Variants in EHMT2 observed in about 807,000 individuals in gnomAD.
The protein encoded by EHMT2 is euchromatic histone lysine methyltransferase 2, also known as histone-lysine N-methyltransferase EHMT2.
A neutral mutation model predicts 143.3 loss-of-function variants in EHMT2; 59 were observed. The observed-to-expected ratio is 0.41, with a 90% confidence interval of 0.33 to 0.51. The LOEUF is 0.51. Ranked by LOEUF, EHMT2 falls within the 20% of genes least tolerant of loss-of-function variation. The pLI is 0.18. For synonymous variants in EHMT2, 604 were observed against 651.5 expected (o/e 0.93, Z 1.11); for missense variants, 1,174 against 1,645.9 (o/e 0.71, Z 4.96).
rs1765886996 is a variant in EHMT2 at position 31,892,859 on chromosome 6, C to T, written c.634G>A (p.Asp212Asn). 4 of 1,602,032 alleles carry T rather than the reference C, an allele frequency of 2.5e-6. No homozygotes were observed. In the Admixed American group the frequency reaches 5.1e-5, roughly 20 times the overall value. ...ACCTTTCCCAGTGAGTGGACATCAT[C>T]ACTCATGCGGAAATGCTGTATTTCA... The change falls in exon 5 of 28, where the codon GAT becomes AAT. Residue 212 changes from aspartate (D) to asparagine (N), a missense_variant. By Grantham distance (23) the Asp-to-Asn change is conservative. Around this residue, in one of 6 missense-constraint regions of EHMT2, gnomAD observed 399 missense variants for 404.4 expected, o/e 0.99. Transcript: ENST00000375537.
rs1764483332 is a variant in EHMT2, at chr6:31,884,116, G to A, written c.2772-166C>T. ...TTAACATAGAATTTTAGATAAACAA[G>A]AAATAGCTTTTTAGTATGTCCCAAA... On this transcript the variant is annotated intron_variant, in intron 21 of 27. Coordinates refer to ENST00000375537, the Ensembl canonical transcript of EHMT2. This position sits in a 1 kb window ranked among gnomAD's most constrained non-coding sequence, Gnocchi z 7.3. The A allele has an allele frequency of 4.8e-6, 4 of 825,538 alleles. No homozygotes were observed. The highest frequency in any genetic ancestry group is 1.9e-5 in the South Asian group (1 of 52,218). The allele number at this position is 825,538 out of a possible 1,614,324, so 51.1% of individuals were successfully genotyped here.
chr6:31,885,583 G>C (rs980469025), intron 18 of EHMT2: 3 of 152,820 alleles, frequency 2.0e-5, no homozygotes, highest in African/African-American at 7.2e-5. Context: ...GCTGGTCATG[G>C]AGGTGCATGC....
rs1415773028 is a variant in EHMT2, at chr6:31,885,108, C to A, written c.2344-92G>T. 9.0e-6 allele frequency: 13 copies of A among 1,447,338 alleles called. No individual in the cohort carries two copies. The East Asian group carries it at 1.2e-4, about 14-fold the overall frequency. The allele number at this position is 1,447,338 out of a possible 1,614,324, so 89.7% of individuals were successfully genotyped here. A position where few individuals can be genotyped will look rare whatever the true frequency, so the allele number is the denominator to read the frequency against. ...GATTGGCTGTGTGTGTGAATCCCAG[C>A]TCCACCATTCACAAGCTGTGGGACC... On this transcript the variant is annotated intron_variant, in intron 18 of 27. Coordinates refer to ENST00000375537, the Ensembl canonical transcript of EHMT2.
chr6:31,891,133 C>CG (rs1765629735), intron 7 of EHMT2, among the ~76,000 whole-genome samples: 1 of 151,860 alleles, frequency 6.6e-6, no homozygotes, highest in South Asian at 2.1e-4. Context: ...TCAGTAGAGA[C>CG]GGGGTTTCTC....
At chr6:31,893,437 C>T in intron 4 of EHMT2, 1 of 415,000 alleles carries the variant, frequency 2.4e-6, no homozygotes, top group South Asian at 1.7e-5. Context: ...CCTGCCTCAG[C>T]TTCCTGGGAA....
At chr6:31,896,626 C>T (rs773882389) in exon 3 of EHMT2, 2 of 1,585,186 alleles carry the variant, frequency 1.3e-6, no homozygotes, top group South Asian at 1.2e-5. Flanking sequence ...CCGGCCCCCA[C>T]GGAGGTCCCC....
At chr6:31,896,642 C>T (rs1766499510) in exon 3 of EHMT2, 1 of 1,590,612 alleles carries the variant, frequency 6.3e-7, no homozygotes, top group Non-Finnish European at 8.6e-7. Context: ...TCCCCATCTC[C>T]CTCAAGATTC....
Position 31,880,664 on chromosome 6 carries a change from G to T in EHMT2, c.3452+9C>A, listed in dbSNP as rs960042726. 6 of 1,613,158 alleles carry T rather than the reference G, an allele frequency of 3.7e-6. No individual in the cohort carries two copies. The highest frequency in any genetic ancestry group is 5.1e-6 in the Non-Finnish European group (6 of 1,179,882). On this transcript the variant is annotated intron_variant, in intron 27 of 27. Transcript: ENST00000375537. This position sits in a 1 kb window ranked among gnomAD's most constrained non-coding sequence, Gnocchi z 6.6. ...CTGGCAGAGCCCCTAGAGACCCCTA[G>T]AGTCTCACCCTAGCTCCTCCCCAGT... is the stretch of plus-strand genomic sequence containing the variant.
chr6:31,882,808 T>G (rs755397656), intron 24 of EHMT2, 23 bp from the exon 25 acceptor site: 2 of 1,612,056 alleles, frequency 1.2e-6, no homozygotes, highest in Non-Finnish European at 1.7e-6. Flanking sequence ...GAGATGGCGC[T>G]GTTGGGTGGA....
intron 7 of EHMT2, among the ~76,000 whole-genome samples, chr6:31,890,201 A>G (rs1331040217): frequency 2.0e-5 from 3 of 152,178 alleles, no homozygotes; most frequent in African/African-American, 7.2e-5. Context: ...CCTAAATGTG[A>G]AAAATTCTGT....
Position 31,881,862 on chromosome 6 carries a change from G to A in EHMT2, c.3198-770C>T, listed in dbSNP as rs558091880. Among the ~76,000 whole-genome samples the A allele has an allele frequency of 6.6e-6, 1 of 152,206 alleles. No homozygotes were observed. Among genetic ancestry groups the A allele is most frequent in the Non-Finnish European group, 1.5e-5 (1 of 68,030 alleles). On this transcript the variant is annotated intron_variant, in intron 25 of 27. Coordinates refer to ENST00000375537, the Ensembl canonical transcript of EHMT2. The surrounding 1 kb of genome is among the most constrained non-coding windows in gnomAD (Gnocchi z 4.8). ...CTCACGCCTGTAATCCCAGCACTTT[G>A]GGAGGCCGAGGTGGGCGGATCATCT...
rs1223570842 is a variant in EHMT2 at position 31,883,174 on chromosome 6, T to C, written c.2995-165A>G. 4 of 865,064 alleles carry C rather than the reference T, an allele frequency of 4.6e-6. No homozygotes were observed. Among genetic ancestry groups the C allele is most frequent in the Admixed American group, 2.2e-5 (1 of 46,298 alleles). The allele number at this position is 865,064 out of a possible 1,614,324, so 53.6% of individuals were successfully genotyped here. ...GCAGGAGCATCATCCCTGGTTTGCA[T>C]AGACCTGGGCACACGCCCATCGCTG... On this transcript the variant is annotated intron_variant, in intron 23 of 27. Transcript: ENST00000375537. This position sits in a 1 kb window ranked among gnomAD's most constrained non-coding sequence, Gnocchi z 5.6.
In EHMT2 at chr6:31,888,126, C is replaced by A. The variant is rs988403047; in HGVS notation, c.1660G>T (p.Val554Leu). 4 of 1,612,188 alleles carry A rather than the reference C, an allele frequency of 2.5e-6. No homozygotes were observed. The African/African-American group carries it at 4.0e-5, about 16-fold the overall frequency. The change falls in exon 13 of 28, where the codon GTG becomes TTG. Residue 554 changes from valine to leucine, a missense_variant. Val to Leu is a conservative substitution (Grantham distance 32). Coordinates refer to ENST00000375537, the Ensembl canonical transcript of EHMT2. The surrounding 1 kb of genome is among the most constrained non-coding windows in gnomAD (Gnocchi z 7.4). ...GCTGCAGTGCCGGCCGGTGGGGTCA[C>A]CCCGTCACCCCGGGGGATGGTCACC...
chr6:31,889,481 T>C lies in EHMT2; in HGVS notation c.986A>G (p.Asn329Ser). The C allele has an allele frequency of 6.2e-7, 1 of 1,612,856 alleles. No individual in the cohort carries two copies. Among genetic ancestry groups the C allele is most frequent in the South Asian group, 1.1e-5 (1 of 91,074 alleles). The change falls in exon 8 of 28, where the codon AAT becomes AGT. Residue 329 changes from asparagine (N) to serine (S), a missense_variant. Around this residue, in one of 6 missense-constraint regions of EHMT2, gnomAD observed 608 missense variants for 903.7 expected, o/e 0.67. Transcript: ENST00000375537. This position sits in a 1 kb window ranked among gnomAD's most constrained non-coding sequence, Gnocchi z 5.1. ...TCCGTCTCTTACCCTATCTGACTGA[T>C]TCCCTGACTCCTCATCTTCCTCTTC... is the stretch of plus-strand genomic sequence containing the variant.
chr6:31,896,062 T>C (rs1766369786), intron 4 of EHMT2: 2 of 620,236 alleles, frequency 3.2e-6, no homozygotes, highest in Non-Finnish European at 5.2e-6. Context: ...CATCAAACTT[T>C]CACCACCCAA....
exon 4 of EHMT2, chr6:31,896,432 C>T (rs1346408689): frequency 6.2e-7 from 1 of 1,613,064 alleles, no homozygotes. Flanking sequence ...AGGTGATTTT[C>T]CCGCCCCTGT....
In EHMT2 at chr6:31,889,848, AAAGC is replaced by A. The variant is rs143571776; in HGVS notation, c.865-250_865-247del. 0.013 allele frequency among the ~76,000 whole-genome samples: 1,905 copies of A among 152,286 alleles called. 27 individuals carry two copies. The highest frequency in any genetic ancestry group is 0.038 in the African/African-American group (1,580 of 41,536). ...AATGTGATATTAAGTTAAAAAACAAAAAGCAAGTACCAGAAGATAAACATACTTT... is the reference window on the plus strand; with the variant it reads ...AATGTGATATTAAGTTAAAAAACAAAAAGTACCAGAAGATAAACATACTTT... On this transcript the variant is annotated intron_variant, in intron 7 of 27. Coordinates refer to ENST00000375537, the Ensembl canonical transcript of EHMT2. The surrounding 1 kb of genome is among the most constrained non-coding windows in gnomAD (Gnocchi z 5.1).
At position 31,885,095 on chromosome 6, in the gene EHMT2, G is replaced by A. The variant is rs541448200; in HGVS notation, c.2344-79C>T. 1.4e-3 allele frequency: 2,022 copies of A among 1,492,332 alleles called. 3 individuals carry two copies. Among genetic ancestry groups the A allele is most frequent in the Admixed American group, 1.6e-3 (73 of 45,738 alleles). The allele number at this position is 1,492,332 out of a possible 1,614,324, so 92.4% of individuals were successfully genotyped here. A position where few individuals can be genotyped will look rare whatever the true frequency, so the allele number is the denominator to read the frequency against. ...AGCAAATGGTCAAGATTGGCTGTGT[G>A]TGTGAATCCCAGCTCCACCATTCAC... On this transcript the variant is annotated intron_variant, in intron 18 of 27. Transcript: ENST00000375537.
rs752113238 is a variant in EHMT2 at position 31,884,376 on chromosome 6, G to C, written c.2771+16C>G. On this transcript the variant is annotated intron_variant, in intron 21 of 27. Coordinates refer to ENST00000375537, the Ensembl canonical transcript of EHMT2. This position sits in a 1 kb window ranked among gnomAD's most constrained non-coding sequence, Gnocchi z 7.3. ...GAGGAGGTGGTCTTGGGTGCAGAGA[G>C]GGGCCCAGGGCTCACCGGCAGATGA... The C allele has an allele frequency of 6.2e-7, 1 of 1,603,940 alleles. No homozygotes were observed. The highest frequency in any genetic ancestry group is 1.1e-5 in the South Asian group (1 of 90,710).
Sources: gnomAD v4.1 joint callset for allele counts (sites outside exome capture counted in the v4.1 genomes callset) on GRCh38, gnomAD v4.1.1 for gene constraint, gnomAD v4.1.1 regional missense constraint, Gnocchi (gnomAD v3.1) non-coding constraint, MANE v1.5 for transcripts, NCBI Gene and HGNC (gene_info 2026-07-23, HGNC 2026-07-21) for gene names.